The following DHDDS variants were observed in gnomAD, a reference collection of about 807,000 sequenced individuals.
DHDDS encodes dehydrodolichyl diphosphate synthase subunit.
In DHDDS, 16 loss-of-function variants were observed where a neutral mutation model predicts 46.2. That is an observed-to-expected ratio of 0.35 (90% confidence interval 0.23 to 0.53). DHDDS has a LOEUF of 0.53. DHDDS is among the 20% of genes least tolerant of loss of function. The pLI is 0.94. For synonymous variants in DHDDS, 151 were observed against 163.1 expected, an observed-to-expected ratio of 0.93 and a Z score of 0.56; for missense variants, 340 against 423.7, an observed-to-expected ratio of 0.80 and a Z score of 1.73.
chr1:26,447,668 G>C lies in DHDDS; in HGVS notation c.542+8G>C, dbSNP rs149948788. On this transcript the variant is annotated splice_region_variant and intron_variant, in intron 6 of 8. Coordinates refer to ENST00000236342, the MANE Select transcript of DHDDS (RefSeq NM_205861.3). ...AGGCCTGTTGGATCCCAGGTATCCCGAGTTGTTTTGCATGGTAATTGTTAA... is the reference window on the plus strand; with the variant it reads ...AGGCCTGTTGGATCCCAGGTATCCCCAGTTGTTTTGCATGGTAATTGTTAA... The C allele has an allele frequency of 6.2e-7, 1 of 1,611,978 alleles. No individual in the cohort carries two copies. Among genetic ancestry groups the C allele is most frequent in the Non-Finnish European group, 8.5e-7 (1 of 1,178,226 alleles).
intron 4 of DHDDS, among the ~76,000 whole-genome samples, chr1:26,444,601 CTG>C (rs762895449): frequency 3.9e-5 from 6 of 152,010 alleles, no homozygotes; most frequent in Non-Finnish European, 5.9e-5. Context: ...AAAAAATTAA[CTG>C]GGGATGGTGG....
Position 26,454,908 on chromosome 1 carries a change from T to C in DHDDS, c.543-2883T>C, listed in dbSNP as rs1366785617. 10 of 1,600,310 alleles carry C rather than the reference T, an allele frequency of 6.2e-6. No individual in the cohort carries two copies. The Admixed American group carries it at 1.3e-4, about 21-fold the overall frequency. ...GCATTACTCTCTGCATTTTTAAGCATGTGCAGCAAAAATTCAGCACTCTTT... is the reference window on the plus strand; with the variant it reads ...GCATTACTCTCTGCATTTTTAAGCACGTGCAGCAAAAATTCAGCACTCTTT... On this transcript the variant is annotated intron_variant, in intron 6 of 8. Coordinates refer to ENST00000236342, the MANE Select transcript of DHDDS (RefSeq NM_205861.3).
At chr1:26,435,155 G>A (rs1282879884) in intron 2 of DHDDS, among the ~76,000 whole-genome samples, 16 of 145,596 alleles carry the variant, frequency 1.1e-4, no homozygotes, top group African/African-American at 3.6e-4. Flanking sequence ...GATTACAGGC[G>A]CTCGCCACCA....
At position 26,469,594 on chromosome 1, in the gene DHDDS, AT is replaced by A. The variant is rs2075532040; in HGVS notation, c.*466del. The A allele has an allele frequency of 8.5e-6, 2 of 236,444 alleles. No homozygotes were observed. Among genetic ancestry groups the A allele is most frequent in the African/African-American group, 4.5e-5 (2 of 44,708 alleles). 14.6% of individuals were successfully genotyped at this position (236,444 alleles called of 1,614,324 possible). A position where few individuals can be genotyped will look rare whatever the true frequency, so the allele number is the denominator to read the frequency against. ...GTAAATAACTAATAGGCAGGCAGTT[AT>A]TTGGGTAAGGAAAAAAGGGGTGGGA... On this transcript the variant is annotated 3_prime_UTR_variant, in exon 9 of 9. Coordinates refer to ENST00000236342, the MANE Select transcript of DHDDS (RefSeq NM_205861.3).
chr1:26,446,221 A>G, intron 4 of DHDDS, 95 bp from the exon 5 acceptor site: 3 of 1,002,980 alleles, frequency 3.0e-6, no homozygotes, highest in South Asian at 1.4e-5. Context: ...ACAGGAAAGC[A>G]CTCAAAAAAC....
chr1:26,432,735 TTATA>T (rs1322808584), intron 1 of DHDDS, 152 bp from the exon 2 acceptor site: 1 of 595,660 alleles, frequency 1.7e-6, no homozygotes, highest in East Asian at 2.9e-5. Flanking sequence ...TCACATTGCG[TTATA>T]AAACTCTGGG....
intron 6 of DHDDS, among the ~76,000 whole-genome samples, chr1:26,453,529 G>A (rs1447467397): frequency 6.6e-6 from 1 of 152,164 alleles, no homozygotes; most frequent in Non-Finnish European, 1.5e-5. Context: ...GCTGAGGCAG[G>A]TTGGATCGCT....
intron 8 of DHDDS, 84 bp from the exon 9 acceptor site, chr1:26,468,811 G>GGGCCCCC: frequency 1.6e-6 from 1 of 637,986 alleles, no homozygotes; most frequent in Non-Finnish European, 2.6e-6. Flanking sequence ...CCCACCCTGT[G>GGGCCCCC]CCCCACCCCC....
chr1:26,449,023 A>C (rs769470604), intron 6 of DHDDS, among the ~76,000 whole-genome samples: 1 of 152,206 alleles, frequency 6.6e-6, no homozygotes, highest in Non-Finnish European at 1.5e-5. Flanking sequence ...CCTTCCTAAC[A>C]GCTGGGTGAC....
intron 2 of DHDDS, among the ~76,000 whole-genome samples, chr1:26,435,302 GC>G (rs933945826): frequency 2.1e-4 from 32 of 151,940 alleles, no homozygotes; most frequent in Non-Finnish European, 3.8e-4. Context: ...GAGCCACTGC[GC>G]CCGGCTGAAA....
chr1:26,462,084 G>T (rs1315434710), intron 8 of DHDDS, among the ~76,000 whole-genome samples: 1 of 148,740 alleles, frequency 6.7e-6, no homozygotes, highest in Non-Finnish European at 1.5e-5. Flanking sequence ...TTTTAGCAGG[G>T]TCTCACTCTG....
chr1:26,450,322 T>A (rs542066520), intron 6 of DHDDS, among the ~76,000 whole-genome samples: 1 of 152,190 alleles, frequency 6.6e-6, no homozygotes, highest in East Asian at 1.9e-4. Flanking sequence ...TTTATATTTA[T>A]TTTTTGTAAA....
At position 26,447,616 on chromosome 1, in the gene DHDDS, G is replaced by A. The variant is rs2124433383; in HGVS notation, c.498G>A (p.Val166=). 1 of 1,614,208 alleles carries A rather than the reference G, an allele frequency of 6.2e-7. No homozygotes were observed. Among genetic ancestry groups the A allele is most frequent in the South Asian group, 1.1e-5 (1 of 91,082 alleles). ...YTSRHEISNA[V]REMAWGVEQG... ...CCCGTCATGAGATCAGCAATGCTGT[G>A]AGAGAGATGGCCTGGGGGGTGGAGC... Residue 166 remains valine (V), a synonymous_variant, in exon 6 of 9, where the codon GTG becomes GTA. Transcript: ENST00000236342.
chr1:26,464,483 T>G (rs1156975142), intron 8 of DHDDS, among the ~76,000 whole-genome samples: 1 of 152,198 alleles, frequency 6.6e-6, no homozygotes, highest in Non-Finnish European at 1.5e-5. Flanking sequence ...TCTTGAAGCC[T>G]TCTCCAGCAG....
At chr1:26,451,879 C>T (rs540874342) in intron 6 of DHDDS, among the ~76,000 whole-genome samples, 31 of 152,026 alleles carry the variant, frequency 2.0e-4, no homozygotes, top group African/African-American at 6.5e-4. Context: ...CTGCCTGCCT[C>T]GGCCTCCCAA....
At chr1:26,433,270 T>C (rs2075121386) in intron 2 of DHDDS, 1 of 542,364 alleles carries the variant, frequency 1.8e-6, no homozygotes, top group Admixed American at 3.2e-5. Context: ...TATAGAGAAC[T>C]GAAATTTGTT....
rs1335999297 is a variant in DHDDS at position 26,460,149 on chromosome 1, G to T, written c.765+5G>T. On this transcript the variant is annotated splice_donor_5th_base_variant and intron_variant, in intron 8 of 8. Transcript: ENST00000236342. ...ATGAACCATAGCGTGCTTCAGGTAAGAAAGAGTTCAGGGCTGGCCAGATGG... is the reference window on the plus strand; with the variant it reads ...ATGAACCATAGCGTGCTTCAGGTAATAAAGAGTTCAGGGCTGGCCAGATGG... 1 of 1,610,574 alleles carries T rather than the reference G, an allele frequency of 6.2e-7. No individual in the cohort carries two copies. The highest frequency in any genetic ancestry group is 1.3e-5 in the African/African-American group (1 of 74,898).
chr1:26,445,455 G>A (rs184637200), intron 4 of DHDDS, among the ~76,000 whole-genome samples: 42 of 152,360 alleles, frequency 2.8e-4, no homozygotes, highest in Non-Finnish European at 5.4e-4. Flanking sequence ...GCTCACACCT[G>A]TAATCCTAGC....
At chr1:26,450,892 T>C (rs137916621) in intron 6 of DHDDS, among the ~76,000 whole-genome samples, 4 of 152,302 alleles carry the variant, frequency 2.6e-5, no homozygotes, top group East Asian at 3.9e-4. Flanking sequence ...TATTCTTGTA[T>C]GTATGAAATA....
Sources: gnomAD v4.1 joint callset for allele counts (sites outside exome capture counted in the v4.1 genomes callset) on GRCh38, gnomAD v4.1.1 for gene constraint, MANE v1.5 for transcripts, NCBI Gene and HGNC (gene_info 2026-07-23, HGNC 2026-07-21) for gene names.